Variants in DCDC2C observed in about 807,000 individuals in gnomAD.
DCDC2C encodes doublecortin domain-containing protein 2C.
A neutral mutation model predicts 45.0 loss-of-function variants in DCDC2C; 44 were observed. That is an observed-to-expected ratio of 0.98 (90% CI 0.77 to 1.26). The LOEUF is 1.26. Among genes scored for constraint, DCDC2C ranks in the 50% most tolerant of loss-of-function variants. The probability of loss-of-function intolerance (pLI) is 0.00; values close to 1 mark genes in which losing one functional copy is unlikely to be tolerated. For missense variants in DCDC2C, 447 were observed against 468.9 expected (o/e 0.95, Z 0.43); for synonymous variants, 187 against 178.8 (o/e 1.05, Z -0.37).
intron 10 of DCDC2C, among the ~76,000 whole-genome samples, chr2:3,837,810 C>T (rs1386200693): frequency 1.3e-5 from 2 of 152,106 alleles, no homozygotes; most frequent in East Asian, 3.9e-4. Context: ...GGAGTCCGTG[C>T]GTGGTGGGAG....
intron 2 of DCDC2C, 46 bp downstream of exon 2, chr2:3,708,646 C>A: frequency 6.9e-7 from 1 of 1,441,440 alleles, no homozygotes; most frequent in Non-Finnish European, 9.4e-7. Flanking sequence ...AATTGGCCAA[C>A]TTGGTAAAAA....
At chr2:3,821,214 A>T (rs536393967) in intron 10 of DCDC2C, among the ~76,000 whole-genome samples, 1 of 152,312 alleles carries the variant, frequency 6.6e-6, no homozygotes, top group South Asian at 2.1e-4. Context: ...AGGTAATGTC[A>T]TCAGTTAAGG....
At chr2:3,763,786 C>T (rs1170126066) in intron 6 of DCDC2C, among the ~76,000 whole-genome samples, 2 of 152,158 alleles carry the variant, frequency 1.3e-5, no homozygotes, top group Non-Finnish European at 2.9e-5. Flanking sequence ...GAGGCACTTG[C>T]GCTTGGTGCT....
chr2:3,797,821 TG>T (rs1043923358), intron 10 of DCDC2C, among the ~76,000 whole-genome samples: 13 of 151,112 alleles, frequency 8.6e-5, no homozygotes, highest in African/African-American at 3.1e-4. Context: ...AGGTGTGGTG[TG>T]GTGCTGAAAA....
At chr2:3,824,048 G>A (rs1671757897) in intron 10 of DCDC2C, among the ~76,000 whole-genome samples, 1 of 152,250 alleles carries the variant, frequency 6.6e-6, no homozygotes, top group South Asian at 2.1e-4. Flanking sequence ...TCAGACAGAA[G>A]CCTGGATTCA....
chr2:3,709,354 C>T (rs1668148241), intron 2 of DCDC2C, among the ~76,000 whole-genome samples: 1 of 152,148 alleles, frequency 6.6e-6, no homozygotes, highest in South Asian at 2.1e-4. Flanking sequence ...TATAATGTGC[C>T]AGCACTAGTT....
At chr2:3,777,122 C>T (rs556387333) in intron 8 of DCDC2C, among the ~76,000 whole-genome samples, 1 of 152,338 alleles carries the variant, frequency 6.6e-6, no homozygotes, top group African/African-American at 2.4e-5. Context: ...AGCGCTTCTT[C>T]CTGCAACAGG....
intron 10 of DCDC2C, among the ~76,000 whole-genome samples, chr2:3,842,092 C>T (rs986778888): frequency 2.0e-5 from 3 of 152,074 alleles, no homozygotes; most frequent in African/African-American, 7.2e-5. Flanking sequence ...TGCTATTAAT[C>T]ATTTTTTAAA....
intron 2 of DCDC2C, among the ~76,000 whole-genome samples, chr2:3,715,858 T>C (rs1428336546): frequency 6.6e-6 from 1 of 152,196 alleles, no homozygotes; most frequent in Non-Finnish European, 1.5e-5. Flanking sequence ...ACAAAATCTA[T>C]ACAATATAGA....
rs547208772 is a variant in DCDC2C at position 3,776,497 on chromosome 2, G to A, written c.955-2319G>A. 2.9e-4 allele frequency among the ~76,000 whole-genome samples: 44 copies of A among 152,286 alleles called. 2 individuals are homozygous for A. The South Asian group carries it at 6.6e-3, about 23-fold the overall frequency. ...CCACCCATGGCGCTCCCGGCCACTC[G>A]CTTTTCCTTGCAATGCTGTCTTCCT... On this transcript the variant is annotated intron_variant, in intron 8 of 10. Transcript: ENST00000399143.
At chr2:3,731,255 G>C (rs1432101740) in intron 3 of DCDC2C, among the ~76,000 whole-genome samples, 1 of 152,168 alleles carries the variant, frequency 6.6e-6, no homozygotes, top group Non-Finnish European at 1.5e-5. Flanking sequence ...ACTTAAGACG[G>C]CTTCCCATCC....
At chr2:3,832,992 C>T (rs1402875730) in intron 10 of DCDC2C, among the ~76,000 whole-genome samples, 1 of 152,236 alleles carries the variant, frequency 6.6e-6, no homozygotes, top group Non-Finnish European at 1.5e-5. Context: ...AAGTTGCTGG[C>T]TTGGCTGCAT....
intron 2 of DCDC2C, among the ~76,000 whole-genome samples, 196 bp downstream of exon 2, chr2:3,708,796 A>G (rs1402436613): frequency 6.6e-6 from 1 of 152,272 alleles, no homozygotes; most frequent in Non-Finnish European, 1.5e-5. Flanking sequence ...GGCGGAAGGC[A>G]GTGAAGAGAG....
At chr2:3,748,794 T>C (rs1034408815) in intron 4 of DCDC2C, among the ~76,000 whole-genome samples, 1 of 152,100 alleles carries the variant, frequency 6.6e-6, no homozygotes, top group Non-Finnish European at 1.5e-5. Flanking sequence ...ACTTGTCATC[T>C]CTCCTCTAGT....
At chr2:3,800,153 T>A (rs1671078951) in intron 10 of DCDC2C, among the ~76,000 whole-genome samples, 1 of 152,174 alleles carries the variant, frequency 6.6e-6, no homozygotes, top group African/African-American at 2.4e-5. Flanking sequence ...TGTCACCACT[T>A]TCTCTGACTA....
chr2:3,821,424 C>G (rs556831810), intron 10 of DCDC2C, among the ~76,000 whole-genome samples: 1 of 152,076 alleles, frequency 6.6e-6, no homozygotes, highest in East Asian at 1.9e-4. Flanking sequence ...CTGTGAGATG[C>G]TGAGTAGGAG....
rs1300551823 is a variant in DCDC2C at position 3,786,428 on chromosome 2, G to A, written c.1065+1328G>A. On this transcript the variant is annotated intron_variant, in intron 10 of 10. Coordinates refer to ENST00000399143, the MANE Select transcript of DCDC2C (RefSeq NM_001287444.2). The stretch of plus-strand genomic sequence containing the variant: ...GGAGCCTCCGGTGCGGGTGTGTCCC[G>A]CCTGTGCACGGAGCCTCCGGTGCGG... Among the ~76,000 whole-genome samples, 321 of 43,744 alleles carry A rather than the reference G, an allele frequency of 7.3e-3. 2 individuals are homozygous for A. Among genetic ancestry groups the A allele is most frequent in the Non-Finnish European group, 0.01 (235 of 22,994 alleles). The allele number at this position is 43,744 out of a possible 152,430, so 28.7% of individuals were successfully genotyped here.
rs1454239 is a variant in DCDC2C at position 3,828,550 on chromosome 2, T to C, written c.1066-18604T>C. Among the ~76,000 whole-genome samples, 1,520 of 152,358 alleles carry C rather than the reference T, an allele frequency of 1.0e-2. 21 individuals are homozygous for C. The highest frequency in any genetic ancestry group is 0.035 in the African/African-American group (1,454 of 41,570). On this transcript the variant is annotated intron_variant, in intron 10 of 10. Coordinates refer to ENST00000399143, the MANE Select transcript of DCDC2C (RefSeq NM_001287444.2). ...AAAGTCTCTGAGCCGTTTCTCACTA[T>C]GCTGCATTACACAGGGCTGTTGAAG... is the stretch of plus-strand genomic sequence containing the variant.
rs1413933902 is a variant in DCDC2C, at chr2:3,716,727, A to G, written c.339+8127A>G. ...GCCTTGGGTGGGTGAGGAAGATATT[A>G]TGAAGAATAATAATTGCTGTCTCTA... On this transcript the variant is annotated intron_variant, in intron 2 of 10. Coordinates refer to ENST00000399143, the MANE Select transcript of DCDC2C (RefSeq NM_001287444.2). 2.6e-5 allele frequency among the ~76,000 whole-genome samples: 4 copies of G among 152,222 alleles called. No individual in the cohort carries two copies. The East Asian group carries it at 7.7e-4, about 29-fold the overall frequency.
Sources: allele counts gnomAD v4.1 joint callset (sites outside exome capture counted in the v4.1 genomes callset), GRCh38; gene constraint gnomAD v4.1.1; transcripts MANE v1.5; gene names NCBI Gene and HGNC (gene_info 2026-07-23, HGNC 2026-07-21).